SASH1: variants seen among roughly 807,000 people sequenced by gnomAD.
SASH1 encodes the protein SAM and SH3 domain-containing protein 1.
SASH1 carries 44 observed loss-of-function variants against 125.2 expected under a neutral mutation model. That is an observed-to-expected ratio of 0.35 (90% CI 0.28 to 0.45). SASH1 has a LOEUF of 0.45. Among genes scored for constraint, SASH1 ranks in the 20% least tolerant of loss-of-function variants. The probability of loss-of-function intolerance (pLI) is 1.00; values close to 1 mark genes in which losing one functional copy is unlikely to be tolerated. For synonymous variants in SASH1, 639 were observed against 649.1 expected, an observed-to-expected ratio of 0.98 and a Z score of 0.24; for missense variants, 1,426 against 1,614.5, an observed-to-expected ratio of 0.88 and a Z score of 2.00.
Position 148,543,801 on chromosome 6 carries a change from A to C in SASH1, c.2331A>C (p.Ala777=). 6.2e-7 allele frequency: 1 copy of C among 1,614,116 alleles called. No homozygotes were observed. The highest frequency in any genetic ancestry group is 1.3e-5 in the African/African-American group (1 of 75,042). Residue 777 remains alanine, a synonymous_variant, in exon 18 of 20, where the codon GCA becomes GCC. Coordinates refer to ENST00000367467, the MANE Select transcript of SASH1 (RefSeq NM_015278.5). ...TGCCTTTAATGAAATCAGGGGATGCACTGAAGCAGGGACAGGAGGAGGGCA... is the reference window on the plus strand; with the variant it reads ...TGCCTTTAATGAAATCAGGGGATGCCCTGAAGCAGGGACAGGAGGAGGGCA... ...PTLPLMKSGD[A]LKQGQEEGRL...
chr6:148,208,189 T>C, the SASH1 span, among the ~76,000 whole-genome samples: 5 of 152,178 alleles, frequency 3.3e-5, no homozygotes, highest in African/African-American at 4.8e-5. Context: ...GTAAAACTGA[T>C]TAAGCCAATC....
chr6:148,249,357 A>AGTG, the SASH1 span, among the ~76,000 whole-genome samples: 116 of 147,240 alleles, frequency 7.9e-4, no homozygotes, highest in African/African-American at 2.4e-3. Flanking sequence ...CATGCATCAC[A>AGTG]CACACATGCG....
At chr6:148,219,955 T>C in the SASH1 span, among the ~76,000 whole-genome samples, 1 of 152,206 alleles carries the variant, frequency 6.6e-6, no homozygotes, top group Non-Finnish European at 1.5e-5. Context: ...TAGTAGATAG[T>C]GGCAACTATA....
rs548405134 is a variant in SASH1, at chr6:148,416,299, G to GT, written c.286-23882dup. 1.3e-3 allele frequency among the ~76,000 whole-genome samples: 199 copies of GT among 147,646 alleles called. 1 individual carries two copies. Among genetic ancestry groups the GT allele is most frequent in the South Asian group, 7.8e-3 (36 of 4,636 alleles). ...ACTTGGCATGGATTGCAACAAGGTT[G>GT]TTTCTTTTTTTCTTTTCTTTTTTTC... is the stretch of plus-strand genomic sequence containing the variant. On this transcript the variant is annotated intron_variant, in intron 2 of 19. Transcript: ENST00000367467.
chr6:148,294,252 T>G (rs79640182), intron 1 of SASH1, among the ~76,000 whole-genome samples: 2,750 of 152,316 alleles, frequency 0.018, 82 homozygotes, highest in African/African-American at 0.063. Context: ...AGAATTCAAA[T>G]GAGGCTACAC....
chr6:148,229,547 T>TTA, the SASH1 span, among the ~76,000 whole-genome samples: 3 of 151,196 alleles, frequency 2.0e-5, no homozygotes, highest in East Asian at 1.9e-4. Context: ...AACACCAGAG[T>TTA]TATACCTCAA....
intron 16 of SASH1, among the ~76,000 whole-genome samples, chr6:148,535,775 C>CAGTT (rs1206965786): frequency 1.3e-5 from 2 of 152,140 alleles, no homozygotes; most frequent in African/African-American, 4.8e-5. Flanking sequence ...GTATCCTTTC[C>CAGTT]AGTTACTGAA....
chr6:148,461,248 C>T (rs1777601287), intron 4 of SASH1, among the ~76,000 whole-genome samples: 1 of 152,126 alleles, frequency 6.6e-6, no homozygotes, highest in South Asian at 2.1e-4. Flanking sequence ...CTGGGTCAGG[C>T]CATTGTCTTG....
At chr6:148,228,907 G>A in the SASH1 span, among the ~76,000 whole-genome samples, 3 of 151,966 alleles carry the variant, frequency 2.0e-5, no homozygotes, top group East Asian at 1.9e-4. Flanking sequence ...AGGCCGAGGC[G>A]GGCAGATCAC....
intron 1 of SASH1, among the ~76,000 whole-genome samples, chr6:148,301,604 G>C (rs936032007): frequency 6.6e-6 from 1 of 151,160 alleles, no homozygotes; most frequent in African/African-American, 2.4e-5. Context: ...TTTGAGACAG[G>C]ATCTTGCTCT....
chr6:148,483,684 G>C (rs751222354), intron 7 of SASH1, among the ~76,000 whole-genome samples: 7 of 152,202 alleles, frequency 4.6e-5, no homozygotes, highest in Non-Finnish European at 7.3e-5. Context: ...CAGCCATCTA[G>C]ATATCTTTGT....
chr6:148,219,220 A>G, the SASH1 span, among the ~76,000 whole-genome samples: 10,910 of 152,184 alleles, frequency 0.072, 485 homozygotes, highest in East Asian at 0.15. Flanking sequence ...CCTACATCTA[A>G]TTGATTCTCT....
At chr6:148,222,875 C>T in the SASH1 span, among the ~76,000 whole-genome samples, 1 of 151,932 alleles carries the variant, frequency 6.6e-6, no homozygotes, top group African/African-American at 2.4e-5. Flanking sequence ...CTTATCATTA[C>T]ATCACAGGGC....
intron 7 of SASH1, among the ~76,000 whole-genome samples, chr6:148,476,480 G>A (rs1030108604): frequency 4.6e-5 from 7 of 152,002 alleles, no homozygotes; most frequent in Non-Finnish European, 8.8e-5. Context: ...TCAGGAGTTC[G>A]GGACCAACCT....
At chr6:148,478,250 G>A (rs529385708) in intron 7 of SASH1, among the ~76,000 whole-genome samples, 1 of 152,256 alleles carries the variant, frequency 6.6e-6, no homozygotes, top group African/African-American at 2.4e-5. Context: ...TGCTGTTGAC[G>A]ATCGCCAAGA....
chr6:148,466,242 G>T (rs1330016178), intron 4 of SASH1, among the ~76,000 whole-genome samples: 2 of 152,192 alleles, frequency 1.3e-5, no homozygotes, highest in Non-Finnish European at 2.9e-5. Flanking sequence ...CTCTCTAGCG[G>T]TTTCTCCCCT....
chr6:148,389,292 T>G (rs1783605072), intron 1 of SASH1, among the ~76,000 whole-genome samples: 2 of 152,212 alleles, frequency 1.3e-5, no homozygotes, highest in South Asian at 4.1e-4. Flanking sequence ...GAGACGTGCC[T>G]AAGGCCACTT....
At chr6:148,200,132 A>T in the SASH1 span, among the ~76,000 whole-genome samples, 1 of 152,320 alleles carries the variant, frequency 6.6e-6, no homozygotes, top group South Asian at 2.1e-4. Flanking sequence ...GTTAAAAAAT[A>T]AAAAAGTGGA....
intron 12 of SASH1, among the ~76,000 whole-genome samples, chr6:148,530,547 T>C (rs763003535): frequency 9.2e-5 from 14 of 152,206 alleles, no homozygotes; most frequent in Non-Finnish European, 2.1e-4. Flanking sequence ...CTGTTGCTGA[T>C]GTCCTCAGAT....
Sources: allele counts gnomAD v4.1 joint callset (sites outside exome capture counted in the v4.1 genomes callset), GRCh38; gene constraint gnomAD v4.1.1; transcripts MANE v1.5; gene names NCBI Gene and HGNC (gene_info 2026-07-23, HGNC 2026-07-21).